SLC66A3: variants seen among roughly 807,000 people sequenced by gnomAD.
SLC66A3 encodes PQ loop repeat containing 3.
Under a neutral mutation model 25.5 loss-of-function variants are expected in SLC66A3, and 23 were observed. The ratio of observed to expected loss-of-function variants is 0.90; its 90% CI spans 0.65 to 1.28. The LOEUF is 1.28. Among genes scored for constraint, SLC66A3 ranks in the 50% most tolerant of loss-of-function variants. The pLI is 0.00. For synonymous variants in SLC66A3, 108 were observed against 112.6 expected (o/e 0.96, Z 0.26); for missense variants, 246 against 262.1 (o/e 0.94, Z 0.42).
intron 5 of SLC66A3, among the ~76,000 whole-genome samples, chr2:11,173,233 CT>C (rs1558259570): frequency 6.6e-6 from 1 of 152,210 alleles, no homozygotes; most frequent in Non-Finnish European, 1.5e-5. Flanking sequence ...AAGTGTTCAT[CT>C]CACCTCAGCC....
intron 5 of SLC66A3, among the ~76,000 whole-genome samples, chr2:11,173,576 T>G (rs943988362): frequency 2.0e-5 from 3 of 152,230 alleles, no homozygotes; most frequent in African/African-American, 7.2e-5. Context: ...AACAAAACAT[T>G]TTATAGGATT....
chr2:11,161,610 CT>C (rs1355153997), intron 3 of SLC66A3, among the ~76,000 whole-genome samples: 2 of 152,174 alleles, frequency 1.3e-5, no homozygotes, highest in East Asian at 3.8e-4. Flanking sequence ...CCTTGAACTT[CT>C]GGGGCCAAGG....
Position 11,175,011 on chromosome 2 carries a change from T to C in SLC66A3, c.517+2T>C, listed in dbSNP as rs374065651. On this transcript the variant is annotated splice_donor_variant, in intron 6 of 6. Transcript: ENST00000295083. LOFTEE classifies it high-confidence loss of function. ...TAATGACCACCAATGATTTTACAAG[T>C]AAGCAAAATATCTTCTCACTTCCTT... 11 of 1,603,790 alleles carry C rather than the reference T, an allele frequency of 6.9e-6. No homozygotes were observed. In the African/African-American group the frequency reaches 1.5e-4, roughly 21 times the overall value.
intron 5 of SLC66A3, among the ~76,000 whole-genome samples, chr2:11,174,346 G>A (rs1662657860): frequency 6.6e-6 from 1 of 152,210 alleles, no homozygotes; most frequent in African/African-American, 2.4e-5. Flanking sequence ...TGGAGGGTTG[G>A]GGGTTGCAGG....
At chr2:11,156,821 C>G (rs1039466949) in intron 1 of SLC66A3, among the ~76,000 whole-genome samples, 2 of 152,084 alleles carry the variant, frequency 1.3e-5, no homozygotes, top group Non-Finnish European at 2.9e-5. Flanking sequence ...TTGAGAGGCA[C>G]CCAGGGGAGG....
Position 11,177,912 on chromosome 2 carries a change from A to G in SLC66A3, c.*84A>G, listed in dbSNP as rs559918976. ...GCTCTTTGCTAAATTAAGGTCTTTT[A>G]TAAATTTAGTAAATCAGTTTATAAT... On this transcript the variant is annotated 3_prime_UTR_variant, in exon 7 of 7. Coordinates refer to ENST00000295083, the MANE Select transcript of SLC66A3 (RefSeq NM_152391.5). The G allele has an allele frequency of 3.2e-5, 27 of 836,546 alleles. No individual in the cohort carries two copies. The highest frequency in any genetic ancestry group is 4.8e-5 in the Non-Finnish European group (25 of 518,822). The allele number at this position is 836,546 out of a possible 1,614,324, so 51.8% of individuals were successfully genotyped here.
At chr2:11,169,274 T>C (rs1662460727) in intron 4 of SLC66A3, among the ~76,000 whole-genome samples, 1 of 152,170 alleles carries the variant, frequency 6.6e-6, no homozygotes. Context: ...ATTTATTCCC[T>C]CAGCAAGGAT....
rs11553122 is a variant in SLC66A3, at chr2:11,160,507, C to A, written c.185C>A (p.Pro62Gln). The change falls in exon 2 of 7, where the codon CCG becomes CAG. Residue 62 changes from proline to glutamine, a missense_variant. Pro to Gln is a moderately conservative substitution (Grantham distance 76, BLOSUM62 -1). Around this residue, in one of 3 missense-constraint regions of SLC66A3, gnomAD observed 142 missense variants for 130.3 expected, o/e 1.09. Coordinates refer to ENST00000295083, the MANE Select transcript of SLC66A3 (RefSeq NM_152391.5). ...FLRYQCYYGY[P>Q]PLTYLEYPIL... is the part of the protein sequence containing the mutation. ...CGGTACCAGTGTTACTATGGGTATCCGCCGCTGACCTACCTGGAGTACCCC... is the reference window on the plus strand; with the variant it reads ...CGGTACCAGTGTTACTATGGGTATCAGCCGCTGACCTACCTGGAGTACCCC... 6.2e-7 allele frequency: 1 copy of A among 1,614,108 alleles called. No homozygotes were observed. Among genetic ancestry groups the A allele is most frequent in the Admixed American group, 1.7e-5 (1 of 60,006 alleles).
chr2:11,159,333 C>T (rs534365175), intron 1 of SLC66A3, among the ~76,000 whole-genome samples: 2 of 152,296 alleles, frequency 1.3e-5, no homozygotes, highest in African/African-American at 4.8e-5. Context: ...TGCGGCAGGG[C>T]AGGGCAGAGG....
At chr2:11,162,064 C>A (rs182523582) in intron 3 of SLC66A3, among the ~76,000 whole-genome samples, 18 of 152,328 alleles carry the variant, frequency 1.2e-4, no homozygotes, top group Non-Finnish European at 2.2e-4. Context: ...GTGCGTCCCC[C>A]ATCTGTGACA....
intron 5 of SLC66A3, 127 bp downstream of exon 5, chr2:11,172,172 C>T: frequency 2.7e-6 from 2 of 734,628 alleles, no homozygotes. Context: ...GGCTACTCAG[C>T]TAGAACCTCC....
At chr2:11,165,542 G>A (rs1428939900) in intron 4 of SLC66A3, among the ~76,000 whole-genome samples, 3 of 151,786 alleles carry the variant, frequency 2.0e-5, no homozygotes, top group Non-Finnish European at 2.9e-5. Flanking sequence ...CTGGGCAGCC[G>A]GGCAGAGGGG....
intron 5 of SLC66A3, chr2:11,172,721 C>A: frequency 2.3e-6 from 1 of 432,754 alleles, no homozygotes; most frequent in South Asian, 1.7e-5. Flanking sequence ...GTCTTAAAAT[C>A]AAGACTTTCT....
intron 3 of SLC66A3, among the ~76,000 whole-genome samples, chr2:11,162,522 A>G (rs79891028): frequency 0.022 from 3,278 of 152,340 alleles, 135 homozygotes; most frequent in African/African-American, 0.075. Context: ...AGTATCAGCA[A>G]GATGCTTATA....
chr2:11,171,188 C>T (rs993439788), intron 4 of SLC66A3, among the ~76,000 whole-genome samples: 20 of 152,028 alleles, frequency 1.3e-4, no homozygotes, highest in African/African-American at 4.6e-4. Context: ...TGTGGTGGCA[C>T]GTGCCTGTAC....
Position 11,177,719 on chromosome 2 carries a change from CTTTTT to C in SLC66A3, c.518-12_518-8del, listed in dbSNP as rs142021259. 2.2e-6 allele frequency: 3 copies of C among 1,366,444 alleles called. No homozygotes were observed. The highest frequency in any genetic ancestry group is 1.5e-5 in the African/African-American group (1 of 68,298). 84.6% of individuals were successfully genotyped at this position (1,366,444 alleles called of 1,614,324 possible). On this transcript the variant is annotated splice_polypyrimidine_tract_variant and intron_variant, in intron 6 of 6. Coordinates refer to ENST00000295083, the MANE Select transcript of SLC66A3 (RefSeq NM_152391.5). The stretch of plus-strand genomic sequence containing the variant: ...TATTGTAAAGACAGTTTTTAATACA[CTTTTT>C]TTTTTATTTCAGTTCTTCTACGTTT...
At chr2:11,164,345 A>T (rs57784960) in intron 4 of SLC66A3, 84 bp downstream of exon 4, 15,837 of 93,100 alleles carry the variant, frequency 0.17, 1,767 homozygotes, top group African/African-American at 0.29. Flanking sequence ...ATATATATAT[A>T]TTTTTTTTTT....
At chr2:11,155,722 C>A (rs1295197510) in intron 1 of SLC66A3, 33 bp downstream of exon 1, 1 of 1,340,254 alleles carries the variant, frequency 7.5e-7, no homozygotes, top group Non-Finnish European at 9.6e-7. Context: ...CTGCCTCCTG[C>A]CCCCTCGCAG....
intron 1 of SLC66A3, among the ~76,000 whole-genome samples, chr2:11,158,840 A>G (rs1438673085): frequency 2.0e-5 from 3 of 152,150 alleles, no homozygotes; most frequent in Admixed American, 6.5e-5. Context: ...AACATTAAAA[A>G]CTAAAGGAAA....
Sources: gnomAD v4.1 joint callset for allele counts (sites outside exome capture counted in the v4.1 genomes callset) on GRCh38, gnomAD v4.1.1 for gene constraint, gnomAD v4.1.1 regional missense constraint, MANE v1.5 for transcripts, NCBI Gene and HGNC (gene_info 2026-07-23, HGNC 2026-07-21) for gene names.